Variants in CEP85L observed in about 807,000 individuals in gnomAD.
CEP85L encodes centrosomal protein 85L, also known as centrosomal protein of 85 kDa-like.
Under a neutral mutation model 100.3 loss-of-function variants are expected in CEP85L, and 60 were observed. The observed-to-expected ratio is 0.60, with a 90% CI of 0.49 to 0.74. CEP85L has a LOEUF of 0.74. Ranked by LOEUF, CEP85L falls within the 30% of genes least tolerant of loss-of-function variation. CEP85L has a pLI of 0.00. For missense variants in CEP85L, 973 were observed against 936.2 expected (o/e 1.04, Z -0.51); for synonymous variants, 319 against 322.7 (o/e 0.99, Z 0.12).
chr6:118,579,965 G>A (rs1031034250), intron 2 of CEP85L, among the ~76,000 whole-genome samples: 1 of 152,162 alleles, frequency 6.6e-6, no homozygotes, highest in African/African-American at 2.4e-5. Flanking sequence ...ATCCCCACGT[G>A]TGTAGAACAT....
intron 1 of CEP85L, among the ~76,000 whole-genome samples, chr6:118,698,538 G>A (rs374561818): frequency 9.4e-4 from 134 of 142,532 alleles, no homozygotes; most frequent in Non-Finnish European, 7.6e-4. Context: ...TGCTGAAGCA[G>A]AAAAAAAAAA....
At chr6:118,587,041 C>T (rs748136566) in intron 2 of CEP85L, among the ~76,000 whole-genome samples, 23 of 152,298 alleles carry the variant, frequency 1.5e-4, no homozygotes, top group Admixed American at 1.2e-3. Context: ...TAATACGTCG[C>T]ACCATCTAGC....
At position 118,523,875 on chromosome 6, in the gene CEP85L, C is replaced by A; in HGVS notation, c.1066G>T (p.Asp356Tyr). The A allele has an allele frequency of 6.2e-7, 1 of 1,609,410 alleles. No individual in the cohort carries two copies. Among genetic ancestry groups the A allele is most frequent in the Non-Finnish European group, 8.5e-7 (1 of 1,176,620 alleles). The change falls in exon 4 of 13, where the codon GAT becomes TAT. Residue 356 changes from aspartate to tyrosine, a missense_variant. By Grantham distance (160) the Asp-to-Tyr change is radical. Coordinates refer to ENST00000368491, the MANE Select transcript of CEP85L (RefSeq NM_001042475.3). ...AACATTGATTCCCACTTACTGAAAT[C>A]CTGATAGCCAGGTGAATAACTTTGA... Reference protein sequence around the residue: ...SRQSYSPGYQDFSKWESMLKI... With the variant: ...SRQSYSPGYQYFSKWESMLKI...
At chr6:118,664,673 C>A (rs895768132) in intron 1 of CEP85L, among the ~76,000 whole-genome samples, 1 of 152,210 alleles carries the variant, frequency 6.6e-6, no homozygotes, top group Non-Finnish European at 1.5e-5. Context: ...AAAGTTTTCA[C>A]AGTTGAATTA....
At chr6:118,488,861 T>A (rs940180272) in intron 6 of CEP85L, among the ~76,000 whole-genome samples, 3 of 152,232 alleles carry the variant, frequency 2.0e-5, no homozygotes. Context: ...TGAGCAGATT[T>A]CTCAGAAGAA....
At chr6:118,652,491 C>T, upstream of CEP85L, 3 of 1,322,632 alleles carry the variant, frequency 2.3e-6, no homozygotes, top group South Asian at 1.7e-5. Flanking sequence ...TGGTGGGAGG[C>T]GGGCTCTGCA....
upstream of CEP85L, chr6:118,651,710 C>T (rs187812224): frequency 7.9e-3 from 5,691 of 724,370 alleles, 285 homozygotes; most frequent in African/African-American, 0.12. Flanking sequence ...GGGGCGGGGA[C>T]TGCGGGGGGC....
In CEP85L at chr6:118,466,701, T is replaced by C. The variant is rs189049469; in HGVS notation, c.2255-1133A>G. 2.0e-5 allele frequency among the ~76,000 whole-genome samples: 3 copies of C among 152,248 alleles called. 1 individual carries two copies. The East Asian group carries it at 5.8e-4, about 29-fold the overall frequency. On this transcript the variant is annotated intron_variant, in intron 12 of 12. Coordinates refer to ENST00000368491, the MANE Select transcript of CEP85L (RefSeq NM_001042475.3). ...AGGAGAGTACCAAGAAATAAGGCTA[T>C]AGAGGTAGGTAGTAGCTACCTATCT...
chr6:118,544,337 T>C (rs1394561205), intron 3 of CEP85L, among the ~76,000 whole-genome samples: 1 of 152,220 alleles, frequency 6.6e-6, no homozygotes, highest in Admixed American at 6.5e-5. Context: ...GTTTCCTTTG[T>C]ACAAAACATG....
intron 1 of CEP85L, among the ~76,000 whole-genome samples, chr6:118,685,025 C>T (rs17080486): frequency 0.022 from 3,357 of 152,106 alleles, 143 homozygotes; most frequent in African/African-American, 0.077. Flanking sequence ...TGAACCCTGA[C>T]GGTAAAGACT....
chr6:118,521,173 A>G (rs938444580), intron 4 of CEP85L, among the ~76,000 whole-genome samples: 1 of 152,222 alleles, frequency 6.6e-6, no homozygotes, highest in Non-Finnish European at 1.5e-5. Flanking sequence ...ATTCCATCCA[A>G]TTGGACACCA....
chr6:118,605,458 T>C (rs1226674934), intron 2 of CEP85L, among the ~76,000 whole-genome samples: 2 of 152,188 alleles, frequency 1.3e-5, no homozygotes, highest in Non-Finnish European at 2.9e-5. Flanking sequence ...GTATATTTCC[T>C]ACCTAGTTAT....
chr6:118,664,717 A>G (rs1776078143), intron 1 of CEP85L, among the ~76,000 whole-genome samples: 4 of 152,212 alleles, frequency 2.6e-5, no homozygotes, highest in African/African-American at 9.7e-5. Flanking sequence ...GAATCATAGC[A>G]ACATAATTAT....
At chr6:118,582,583 C>T (rs1426343506) in intron 2 of CEP85L, among the ~76,000 whole-genome samples, 4 of 152,132 alleles carry the variant, frequency 2.6e-5, no homozygotes, top group African/African-American at 7.2e-5. Flanking sequence ...ACCCCAATAA[C>T]GCAGGAAATG....
Position 118,557,339 on chromosome 6 carries a change from A to T in CEP85L, c.1020+8190T>A, listed in dbSNP as rs117277947. On this transcript the variant is annotated intron_variant, in intron 3 of 12. Coordinates refer to ENST00000368491, the MANE Select transcript of CEP85L (RefSeq NM_001042475.3). Reference sequence around the variant, plus strand: ...ACCAATTACATCTACAGAGTAACAGATTTAAAGAAACTATATGTTAGAACT... The same window carrying T: ...ACCAATTACATCTACAGAGTAACAGTTTTAAAGAAACTATATGTTAGAACT... 9.6e-4 allele frequency among the ~76,000 whole-genome samples: 146 copies of T among 152,342 alleles called. 3 individuals are homozygous for T. The East Asian group carries it at 0.025, about 26-fold the overall frequency.
chr6:118,681,334 C>A (rs1427860003), intron 1 of CEP85L, among the ~76,000 whole-genome samples: 1 of 151,988 alleles, frequency 6.6e-6, no homozygotes, highest in Non-Finnish European at 1.5e-5. Flanking sequence ...TATATAGAAT[C>A]ATAAGGGAGA....
chr6:118,669,145 G>A (rs1413698934), intron 1 of CEP85L, among the ~76,000 whole-genome samples: 2 of 152,150 alleles, frequency 1.3e-5, no homozygotes, highest in Admixed American at 6.5e-5. Context: ...AACACAAAAA[G>A]GGCTGTAAGC....
At chr6:118,515,467 C>G (rs1776218252) in intron 4 of CEP85L, among the ~76,000 whole-genome samples, 1 of 152,126 alleles carries the variant, frequency 6.6e-6, no homozygotes, top group Non-Finnish European at 1.5e-5. Context: ...ACATGAAACA[C>G]TTATTAAAAC....
chr6:118,657,560 C>T (rs970601703), intron 1 of CEP85L, among the ~76,000 whole-genome samples: 1 of 152,174 alleles, frequency 6.6e-6, no homozygotes, highest in African/African-American at 2.4e-5. Flanking sequence ...GCAGAGGTTG[C>T]AGCCAAGATC....
Sources: allele counts gnomAD v4.1 joint callset (sites outside exome capture counted in the v4.1 genomes callset), GRCh38; gene constraint gnomAD v4.1.1; transcripts MANE v1.5; gene names NCBI Gene and HGNC (gene_info 2026-07-23, HGNC 2026-07-21).